SEPTIN9: variants seen among roughly 807,000 people sequenced by gnomAD.
SEPTIN9 encodes septin 9.
SEPTIN9 carries 13 observed loss-of-function variants against 56.6 expected under a neutral mutation model. That is an observed-to-expected ratio of 0.23 (90% CI 0.15 to 0.37). The LOEUF is 0.37. SEPTIN9 is among the 10% of genes least tolerant of loss of function. SEPTIN9 has a pLI of 1.00. For synonymous variants in SEPTIN9, 332 were observed against 334.1 expected (o/e 0.99, Z 0.07); for missense variants, 650 against 823.1 (o/e 0.79, Z 2.57).
chr17:77,372,631 A>T (rs183776053), intron 2 of SEPTIN9, among the ~76,000 whole-genome samples: 7 of 152,312 alleles, frequency 4.6e-5, no homozygotes, highest in Admixed American at 1.3e-4. Context: ...GGCTTCTCTG[A>T]CAGCCGTGTT....
At chr17:77,411,046 G>T (rs551091506) in intron 3 of SEPTIN9, among the ~76,000 whole-genome samples, 97 of 151,180 alleles carry the variant, frequency 6.4e-4, no homozygotes, top group Non-Finnish European at 1.0e-3. Flanking sequence ...GATTGTGCCA[G>T]TGCAGTCCAG....
At chr17:77,358,370 C>T (rs894156224) in intron 2 of SEPTIN9, among the ~76,000 whole-genome samples, 1 of 152,168 alleles carries the variant, frequency 6.6e-6, no homozygotes, top group Admixed American at 6.5e-5. Flanking sequence ...CCTGTAATCC[C>T]AGCACTTTGG....
At position 77,405,557 on chromosome 17, in the gene SEPTIN9, G is replaced by A. The variant is rs981816172; in HGVS notation, c.721+2854G>A. The stretch of plus-strand genomic sequence containing the variant: ...CTGTGCAGGTGGGAGTCCAGCTCAC[G>A]TGGAGAGGTCCGTGGGCTGGGCTGA... On this transcript the variant is annotated intron_variant, in intron 3 of 11. Transcript: ENST00000427177. The surrounding 1 kb of genome is among the most constrained non-coding windows in gnomAD (Gnocchi z 5.8). Among the ~76,000 whole-genome samples, 2 of 152,200 alleles carry A rather than the reference G, an allele frequency of 1.3e-5. No individual in the cohort carries two copies. The highest frequency in any genetic ancestry group is 2.1e-4 in the South Asian group (1 of 4,832).
chr17:77,320,796 C>T (rs948376084), intron 2 of SEPTIN9, among the ~76,000 whole-genome samples: 7 of 152,202 alleles, frequency 4.6e-5, no homozygotes, highest in African/African-American at 1.4e-4. Context: ...GGTCTCCTAC[C>T]TAAAATAGCA....
intron 2 of SEPTIN9, among the ~76,000 whole-genome samples, chr17:77,349,738 C>T (rs2033999127): frequency 6.6e-6 from 1 of 152,326 alleles, no homozygotes; most frequent in Non-Finnish European, 1.5e-5. Context: ...ATATTCTATA[C>T]TGACTCCAGG....
At chr17:77,305,563 G>A (rs561371875) in intron 1 of SEPTIN9, among the ~76,000 whole-genome samples, 25 of 152,152 alleles carry the variant, frequency 1.6e-4, no homozygotes, top group African/African-American at 6.0e-4. Flanking sequence ...CATTTCTCAC[G>A]GTGTTGCTTT....
At chr17:77,376,369 C>T (rs2034920384) in intron 2 of SEPTIN9, 6 of 985,466 alleles carry the variant, frequency 6.1e-6, no homozygotes, top group African/African-American at 1.7e-5. Flanking sequence ...TTTCCCGGGG[C>T]GGCTCACCTG....
At chr17:77,460,051 C>T (rs1598409173) in intron 3 of SEPTIN9, among the ~76,000 whole-genome samples, 1 of 152,088 alleles carries the variant, frequency 6.6e-6, no homozygotes, top group African/African-American at 2.4e-5. Context: ...CATGAGGGAT[C>T]CACCCCCATG....
intron 1 of SEPTIN9, among the ~76,000 whole-genome samples, chr17:77,301,288 C>T (rs2032041388): frequency 6.6e-6 from 1 of 152,058 alleles, no homozygotes; most frequent in Non-Finnish European, 1.5e-5. Context: ...AACTCCTAGC[C>T]TCAAGCCATC....
intron 10 of SEPTIN9, 105 bp from the exon 11 acceptor site, chr17:77,497,210 A>G (rs2040305724): frequency 1.7e-6 from 2 of 1,191,552 alleles, no homozygotes; most frequent in East Asian, 5.0e-5. Flanking sequence ...GGCTGCCCTC[A>G]GACTCTGCTT....
At chr17:77,384,958 A>AT (rs1224197343) in intron 2 of SEPTIN9, among the ~76,000 whole-genome samples, 15 of 151,810 alleles carry the variant, frequency 9.9e-5, no homozygotes, top group Admixed American at 3.9e-4. Flanking sequence ...GGGTTTATAG[A>AT]TTTTTTCCCT....
chr17:77,308,024 C>T (rs571627541), intron 2 of SEPTIN9, among the ~76,000 whole-genome samples: 9 of 152,326 alleles, frequency 5.9e-5, no homozygotes, highest in East Asian at 1.9e-4. Context: ...TCACTTCCAG[C>T]GGCCAGGCTG....
intron 1 of SEPTIN9, among the ~76,000 whole-genome samples, chr17:77,285,189 A>T (rs763130343): frequency 1.3e-5 from 2 of 151,658 alleles, no homozygotes; most frequent in Non-Finnish European, 2.9e-5. Context: ...GCTGCACTGT[A>T]CCCGCCCTGG....
At position 77,456,486 on chromosome 17, in the gene SEPTIN9, G is replaced by GCACCAGGTCCCCAC. The variant is rs2144456002; in HGVS notation, c.722-25649_722-25636dup. The stretch of plus-strand genomic sequence containing the variant: ...GTGGTTTTGCTGTCAGGATCCTCCA[G>GCACCAGGTCCCCAC]CACCAGGTCCCCACCACCAGGTATG... On this transcript the variant is annotated intron_variant, in intron 3 of 11. Coordinates refer to ENST00000427177, the MANE Select transcript of SEPTIN9 (RefSeq NM_001113491.2). The surrounding 1 kb of genome is among the most constrained non-coding windows in gnomAD (Gnocchi z 6.0). The GCACCAGGTCCCCAC allele has an allele frequency of 6.5e-6, 1 of 152,718 alleles. No homozygotes were observed. The highest frequency in any genetic ancestry group is 6.5e-5 in the Admixed American group (1 of 15,312). The allele number at this position is 152,718 out of a possible 1,614,324, so 9.5% of individuals were successfully genotyped here.
chr17:77,481,026 G>A (rs1026665599), intron 3 of SEPTIN9, among the ~76,000 whole-genome samples: 5 of 152,196 alleles, frequency 3.3e-5, no homozygotes, highest in Middle Eastern at 3.2e-3. Context: ...ACCAGTGAGT[G>A]TGGCGAGTCT....
rs1330327979 is a variant in SEPTIN9 at position 77,445,007 on chromosome 17, A to G, written c.722-37137A>G. On this transcript the variant is annotated intron_variant, in intron 3 of 11. Coordinates refer to ENST00000427177, the MANE Select transcript of SEPTIN9 (RefSeq NM_001113491.2). The surrounding 1 kb of genome is among the most constrained non-coding windows in gnomAD (Gnocchi z 4.7). Reference sequence around the variant, plus strand: ...AGTGAGAAGAAACCAGAAGAGGAACATGTCACCCAAATGTGCTGAAACAGC... The same window carrying G: ...AGTGAGAAGAAACCAGAAGAGGAACGTGTCACCCAAATGTGCTGAAACAGC... 6.2e-5 allele frequency: 23 copies of G among 371,860 alleles called. 1 individual carries two copies. Among genetic ancestry groups the G allele is most frequent in the South Asian group, 4.7e-4 (23 of 48,624 alleles). 23.0% of individuals were successfully genotyped at this position (371,860 alleles called of 1,614,324 possible). A position where few individuals can be genotyped will look rare whatever the true frequency, so the allele number is the denominator to read the frequency against.
Position 77,488,335 on chromosome 17 carries a change from A to C in SEPTIN9, c.1124+14A>C, listed in dbSNP as rs1489154414. The C allele has an allele frequency of 6.2e-7, 1 of 1,608,712 alleles. No homozygotes were observed. Among genetic ancestry groups the C allele is most frequent in the Non-Finnish European group, 8.5e-7 (1 of 1,175,686 alleles). ...CAACGAGAACTGGTGAGGCCCCTCC[A>C]GGGGGAGGAGCACTAGCGGGGGCTT... On this transcript the variant is annotated intron_variant, in intron 6 of 11. Coordinates refer to ENST00000427177, the MANE Select transcript of SEPTIN9 (RefSeq NM_001113491.2).
chr17:77,292,947 G>T (rs1242609237), intron 1 of SEPTIN9, among the ~76,000 whole-genome samples: 1 of 152,000 alleles, frequency 6.6e-6, no homozygotes, highest in African/African-American at 2.4e-5. Context: ...TTGTTCATAG[G>T]GTATGTAATG....
At chr17:77,448,866 C>T (rs894457720) in intron 3 of SEPTIN9, among the ~76,000 whole-genome samples, 13 of 151,956 alleles carry the variant, frequency 8.6e-5, no homozygotes, top group African/African-American at 2.9e-4. Context: ...TCACTGCAAC[C>T]TTTGCCTCCC....
Sources: gnomAD v4.1 joint callset for allele counts (sites outside exome capture counted in the v4.1 genomes callset) on GRCh38, gnomAD v4.1.1 for gene constraint, Gnocchi (gnomAD v3.1) non-coding constraint, MANE v1.5 for transcripts, NCBI Gene and HGNC (gene_info 2026-07-23, HGNC 2026-07-21) for gene names.